UNC5D: variants seen among roughly 807,000 people sequenced by gnomAD.
The protein encoded by UNC5D is unc-5 netrin receptor D, also known as netrin receptor UNC5D.
UNC5D carries 39 observed loss-of-function variants against 105.4 expected under a neutral mutation model. The ratio of observed to expected loss-of-function variants is 0.37; its 90% CI spans 0.29 to 0.48. The LOEUF (loss-of-function observed/expected upper bound fraction) is 0.48, where lower values mean the gene tolerates loss of function less well. UNC5D is among the 20% of genes least tolerant of loss of function. The pLI, the probability that UNC5D is intolerant of heterozygous loss-of-function variation, is 0.98. For synonymous variants in UNC5D, 452 were observed against 450.4 expected (o/e 1.00, Z -0.04); for missense variants, 991 against 1,202.4 (o/e 0.82, Z 2.60).
At chr8:35,282,996 A>G (rs1806303946) in intron 1 of UNC5D, among the ~76,000 whole-genome samples, 1 of 152,170 alleles carries the variant, frequency 6.6e-6, no homozygotes, top group Admixed American at 6.5e-5. Flanking sequence ...TCAATGTTTT[A>G]TAACTCCCAG....
chr8:35,273,596 T>A lies in UNC5D; in HGVS notation c.103+37709T>A, dbSNP rs181718293. On this transcript the variant is annotated intron_variant, in intron 1 of 16. Transcript: ENST00000404895. The stretch of plus-strand genomic sequence containing the variant: ...TATGTTTAGAAAGCTCCCCAAAAGG[T>A]GGATTTCAGAAGTATTTTTCCCCAA... Among the ~76,000 whole-genome samples the A allele has an allele frequency of 3.3e-3, 505 of 152,330 alleles. 3 individuals carry two copies. The highest frequency in any genetic ancestry group is 5.2e-3 in the Non-Finnish European group (357 of 68,030).
intron 1 of UNC5D, among the ~76,000 whole-genome samples, chr8:35,404,494 T>C (rs571484834): frequency 2.6e-5 from 4 of 152,342 alleles, no homozygotes; most frequent in African/African-American, 9.6e-5. Context: ...GTTGATGTCA[T>C]CTAGGAGATT....
At chr8:35,310,272 G>A (rs1471006326) in intron 1 of UNC5D, among the ~76,000 whole-genome samples, 1 of 152,104 alleles carries the variant, frequency 6.6e-6, no homozygotes, top group Non-Finnish European at 1.5e-5. Flanking sequence ...AAATACAAGG[G>A]ATAGGGAGTA....
Position 35,290,674 on chromosome 8 carries a change from C to T in UNC5D, c.103+54787C>T, listed in dbSNP as rs527461267. On this transcript the variant is annotated intron_variant, in intron 1 of 16. Coordinates refer to ENST00000404895, the MANE Select transcript of UNC5D (RefSeq NM_080872.4). ...TAAAAAAAGAAGTGTGGAGGCCAGG[C>T]GCGGTGGTTCATGCCTGTAATCCCA... Among the ~76,000 whole-genome samples, 457 of 152,134 alleles carry T rather than the reference C, an allele frequency of 3.0e-3. 1 individual carries two copies. The highest frequency in any genetic ancestry group is 0.011 in the African/African-American group (449 of 41,508).
intron 1 of UNC5D, among the ~76,000 whole-genome samples, chr8:35,479,135 C>T (rs956186486): frequency 1.3e-5 from 2 of 152,082 alleles, no homozygotes; most frequent in Non-Finnish European, 2.9e-5. Flanking sequence ...TTATCCCTGC[C>T]ATTTGGTGGT....
At chr8:35,715,007 C>T (rs1029525748) in intron 8 of UNC5D, among the ~76,000 whole-genome samples, 11 of 152,112 alleles carry the variant, frequency 7.2e-5, no homozygotes, top group East Asian at 1.9e-4. Context: ...CAAAATTAGC[C>T]GAGTGTGGTG....
At chr8:35,423,729 T>C (rs1230644143) in intron 1 of UNC5D, among the ~76,000 whole-genome samples, 1 of 152,178 alleles carries the variant, frequency 6.6e-6, no homozygotes, top group Non-Finnish European at 1.5e-5. Flanking sequence ...GGGGCAGTAT[T>C]ATTTCTACAG....
intron 7 of UNC5D, among the ~76,000 whole-genome samples, chr8:35,699,608 T>C (rs1338490742): frequency 2.0e-5 from 3 of 152,174 alleles, no homozygotes; most frequent in Non-Finnish European, 4.4e-5. Flanking sequence ...ATTGGAAAAC[T>C]CCAGGAGGAA....
intron 1 of UNC5D, among the ~76,000 whole-genome samples, chr8:35,278,747 ACT>A (rs1417103816): frequency 1.3e-5 from 2 of 151,906 alleles, no homozygotes; most frequent in Non-Finnish European, 2.9e-5. Context: ...CCTGAAATCT[ACT>A]CTCTTAGTGA....
intron 2 of UNC5D, among the ~76,000 whole-genome samples, chr8:35,567,730 T>C (rs978027850): frequency 6.6e-6 from 1 of 152,166 alleles, no homozygotes. Flanking sequence ...AACTTGGAAC[T>C]GTGTCCCTGG....
chr8:35,705,403 G>C (rs1016423687), intron 7 of UNC5D, among the ~76,000 whole-genome samples: 1 of 152,168 alleles, frequency 6.6e-6, no homozygotes, highest in Non-Finnish European at 1.5e-5. Flanking sequence ...GAGTGGTTTC[G>C]TAAAAACAAA....
chr8:35,556,917 G>GCT (rs1430967680), intron 2 of UNC5D, among the ~76,000 whole-genome samples: 3 of 152,124 alleles, frequency 2.0e-5, no homozygotes, highest in Non-Finnish European at 2.9e-5. Flanking sequence ...GCTCTGGTTT[G>GCT]AACACCTTTG....
chr8:35,260,282 C>T lies in UNC5D; in HGVS notation c.103+24395C>T, dbSNP rs138443116. The stretch of plus-strand genomic sequence containing the variant: ...TGACATACAGTAGACACCTCTGGAG[C>T]GGTCCATCATTCCAAAGCACCATAT... On this transcript the variant is annotated intron_variant, in intron 1 of 16. Transcript: ENST00000404895. 5.3e-5 allele frequency among the ~76,000 whole-genome samples: 8 copies of T among 152,226 alleles called. No individual in the cohort carries two copies. The East Asian group carries it at 5.8e-4, about 11-fold the overall frequency.
intron 4 of UNC5D, among the ~76,000 whole-genome samples, chr8:35,671,704 TCTTC>T (rs1264667368): frequency 6.6e-6 from 1 of 152,182 alleles, no homozygotes; most frequent in Non-Finnish European, 1.5e-5. Context: ...AAAATGTTTT[TCTTC>T]CTTCATGGTG....
intron 1 of UNC5D, among the ~76,000 whole-genome samples, chr8:35,319,191 TTC>T (rs1303664060): frequency 2.0e-5 from 3 of 152,106 alleles, no homozygotes; most frequent in African/African-American, 4.8e-5. Context: ...TAAAACTACA[TTC>T]TAATTTCCTA....
At chr8:35,722,845 T>C (rs575112368) in intron 9 of UNC5D, among the ~76,000 whole-genome samples, 4 of 152,156 alleles carry the variant, frequency 2.6e-5, no homozygotes, top group Admixed American at 6.5e-5. Flanking sequence ...TTTAAATAAG[T>C]AAACAGATTT....
At chr8:35,746,944 T>C (rs141585846) in intron 11 of UNC5D, among the ~76,000 whole-genome samples, 2 of 152,302 alleles carry the variant, frequency 1.3e-5, no homozygotes, top group East Asian at 3.9e-4. Flanking sequence ...ACCTTGAGTA[T>C]GTTATTCTAG....
intron 11 of UNC5D, among the ~76,000 whole-genome samples, chr8:35,746,918 T>C (rs1411526467): frequency 1.3e-5 from 2 of 152,182 alleles, no homozygotes; most frequent in East Asian, 3.9e-4. Context: ...TTGAATTTTA[T>C]GGTTTTTTTC....
intron 1 of UNC5D, among the ~76,000 whole-genome samples, chr8:35,479,951 T>G (rs1810366088): frequency 1.3e-5 from 2 of 152,134 alleles, no homozygotes; most frequent in South Asian, 4.1e-4. Flanking sequence ...AAAAGTGCTT[T>G]AAAATGTGGT....
Sources: gnomAD v4.1 joint callset for allele counts (sites outside exome capture counted in the v4.1 genomes callset) on GRCh38, gnomAD v4.1.1 for gene constraint, MANE v1.5 for transcripts, NCBI Gene and HGNC (gene_info 2026-07-23, HGNC 2026-07-21) for gene names.